ASH1L: variants seen among roughly 807,000 people sequenced by gnomAD.
ASH1L encodes ASH1 like histone lysine methyltransferase.
In ASH1L, 23 loss-of-function variants were observed where a neutral mutation model predicts 269.0. That is an observed-to-expected ratio of 0.09 (90% CI 0.06 to 0.12). The LOEUF (loss-of-function observed/expected upper bound fraction) is 0.12. Ranked by LOEUF, ASH1L falls within the 10% of genes least tolerant of loss-of-function variation. The pLI is 1.00. For synonymous variants in ASH1L, 1,187 were observed against 1,253.5 expected (o/e 0.95, Z 1.12); for missense variants, 2,912 against 3,567.8 (o/e 0.82, Z 4.68).
intron 10 of ASH1L, among the ~76,000 whole-genome samples, chr1:155,371,808 C>T (rs997262882): frequency 1.3e-5 from 2 of 151,522 alleles, no homozygotes; most frequent in African/African-American, 4.9e-5. Flanking sequence ...ATTCTCCTGC[C>T]TCAGCCTCCC....
chr1:155,411,586 A>ATATTATATAT (rs1558075618), intron 6 of ASH1L, among the ~76,000 whole-genome samples: 1 of 55,192 alleles, frequency 1.8e-5, no homozygotes, highest in East Asian at 1.4e-3. Context: ...TAAATAAATA[A>ATATTATATAT]ATATATATAT....
intron 12 of ASH1L, among the ~76,000 whole-genome samples, chr1:155,367,728 C>A (rs1451533767): frequency 2.0e-5 from 3 of 151,950 alleles, no homozygotes; most frequent in Admixed American, 6.6e-5. Context: ...TGTCTTTAGT[C>A]CATTATTGTG....
At chr1:155,562,866 AACCGCCGCCACGGCCGCCGCC>A (rs1571174801), upstream of ASH1L, 1 of 232,812 alleles carries the variant, frequency 4.3e-6, no homozygotes, top group Admixed American at 4.7e-5. Context: ...CACGGCCACC[AACCGCCGCCACGGCCGCCGCC>A]GCCGCCGCCA....
At chr1:155,410,787 G>GT (rs1338034434) in intron 6 of ASH1L, among the ~76,000 whole-genome samples, 3 of 150,552 alleles carry the variant, frequency 2.0e-5, no homozygotes, top group African/African-American at 7.4e-5. Flanking sequence ...TAAATTTTTA[G>GT]TAGAGACAAG....
At chr1:155,406,669 C>T (rs1372579553) in intron 6 of ASH1L, among the ~76,000 whole-genome samples, 1 of 152,078 alleles carries the variant, frequency 6.6e-6, no homozygotes, top group Non-Finnish European at 1.5e-5. Flanking sequence ...CCACTATACT[C>T]CAGGCTGGGC....
At chr1:155,433,544 G>A (rs778803106) in intron 5 of ASH1L, 28 of 1,610,024 alleles carry the variant, frequency 1.7e-5, no homozygotes, top group South Asian at 1.3e-4. Context: ...CCCTGGTGCC[G>A]TGAAACTGGA....
At chr1:155,540,075 A>G (rs1222982804) in intron 1 of ASH1L, among the ~76,000 whole-genome samples, 2 of 151,916 alleles carry the variant, frequency 1.3e-5, no homozygotes, top group African/African-American at 4.8e-5. Flanking sequence ...CTCAAAAAAA[A>G]AAAAAATTCT....
At chr1:155,432,228 A>G (rs1661665553) in intron 5 of ASH1L, among the ~76,000 whole-genome samples, 1 of 152,138 alleles carries the variant, frequency 6.6e-6, no homozygotes, top group African/African-American at 2.4e-5. Flanking sequence ...ACTTTTGTGT[A>G]TGCTCTCTCC....
chr1:155,425,277 GTT>G (rs550440576), intron 5 of ASH1L, among the ~76,000 whole-genome samples: 6,729 of 129,118 alleles, frequency 0.052, 508 homozygotes, highest in African/African-American at 0.18. Context: ...GCCCGGCCTA[GTT>G]TTTTTTTTTT....
chr1:155,410,423 C>A (rs777382634), intron 6 of ASH1L, among the ~76,000 whole-genome samples: 1 of 152,162 alleles, frequency 6.6e-6, no homozygotes, highest in Non-Finnish European at 1.5e-5. Context: ...TCTGCCTCAG[C>A]CTCCCAAGGA....
rs1317995133 is a variant in ASH1L at position 155,554,912 on chromosome 1, C to T, written c.-100+7241G>A. Among the ~76,000 whole-genome samples the T allele has an allele frequency of 4.6e-5, 7 of 151,910 alleles. No individual in the cohort carries two copies. The East Asian group carries it at 5.8e-4, about 13-fold the overall frequency. ...ATCGCAGCACTTTGGGAGGCTGAAG[C>T]GGGCAGATCACCTGAAGGTCAGAAG... On this transcript the variant is annotated intron_variant, in intron 1 of 27. Coordinates refer to ENST00000392403, the MANE Select transcript of ASH1L (RefSeq NM_018489.3).
At chr1:155,347,214 C>T (rs1365444741) in intron 20 of ASH1L, among the ~76,000 whole-genome samples, 1 of 152,084 alleles carries the variant, frequency 6.6e-6, no homozygotes. Flanking sequence ...GCCTGGGCAA[C>T]ATGGTGACAC....
At chr1:155,555,455 C>T (rs1423676812) in intron 1 of ASH1L, among the ~76,000 whole-genome samples, 2 of 148,754 alleles carry the variant, frequency 1.3e-5, no homozygotes, top group Non-Finnish European at 3.0e-5. Context: ...CGAGATTGCG[C>T]CACTGCACTC....
rs1240430685 is a variant in ASH1L at position 155,337,638 on chromosome 1, T to G, written c.*22A>C. Reference sequence around the variant, plus strand: ...TTAGCTCCACTGGATCCCAGATGCTTGAGGTTCTCATTCTTTGAGGGTCAC... The same window carrying G: ...TTAGCTCCACTGGATCCCAGATGCTGGAGGTTCTCATTCTTTGAGGGTCAC... On this transcript the variant is annotated 3_prime_UTR_variant, in exon 28 of 28. Coordinates refer to ENST00000392403, the MANE Select transcript of ASH1L (RefSeq NM_018489.3). 1.2e-6 allele frequency: 2 copies of G among 1,603,250 alleles called. No individual in the cohort carries two copies. Among genetic ancestry groups the G allele is most frequent in the East Asian group, 2.2e-5 (1 of 44,802 alleles).
In ASH1L at chr1:155,562,730, A is replaced by ACCTGTCAAGCCGGCAGGAAC. The variant is rs1558230461; in HGVS notation, c.-678_-677insGTTCCTGCCGGCTTGACAGG. On this transcript the variant is annotated 5_prime_UTR_variant, in exon 1 of 28. Transcript: ENST00000392403. ...GAACCCCCTCGTCCAGTCCCTCACT[A>ACCTGTCAAGCCGGCAGGAAC]CCCCTCAGGCCCTGTCAAGCCGGCG... is the stretch of plus-strand genomic sequence containing the variant. 1.5e-6 allele frequency: 2 copies of ACCTGTCAAGCCGGCAGGAAC among 1,339,908 alleles called. No individual in the cohort carries two copies. Among genetic ancestry groups the ACCTGTCAAGCCGGCAGGAAC allele is most frequent in the South Asian group, 2.5e-5 (2 of 80,112 alleles). 83.0% of individuals were successfully genotyped at this position (1,339,908 alleles called of 1,614,324 possible).
chr1:155,434,551 A>T (rs1237284751), intron 5 of ASH1L, among the ~76,000 whole-genome samples: 4 of 151,412 alleles, frequency 2.6e-5, no homozygotes, highest in Non-Finnish European at 5.9e-5. Flanking sequence ...AAGATCTAAC[A>T]GTATATAAGA....
At position 155,438,854 on chromosome 1, in the gene ASH1L, C is replaced by T. The variant is rs1662316904; in HGVS notation, c.5301G>A (p.Val1767=). The change falls in exon 5 of 28, where the codon GTG becomes GTA. Residue 1767 remains valine, a synonymous_variant. Transcript: ENST00000392403. ...RTLGKPDSLL[V]PAVTSDSCNN... ...TGCAAGAGTCACTTGTGACTGCAGGCACTAAAAGGCTGTCTGGTTTTCCCA... is the reference window on the plus strand; with the variant it reads ...TGCAAGAGTCACTTGTGACTGCAGGTACTAAAAGGCTGTCTGGTTTTCCCA... 1.2e-6 allele frequency: 2 copies of T among 1,614,158 alleles called. No homozygotes were observed. Among genetic ancestry groups the T allele is most frequent in the Non-Finnish European group, 1.7e-6 (2 of 1,180,046 alleles).
intron 20 of ASH1L, 42 bp downstream of exon 20, chr1:155,347,614 G>A (rs748332133): frequency 1.9e-6 from 3 of 1,608,386 alleles, no homozygotes; most frequent in Non-Finnish European, 1.7e-6. Context: ...TGGTCACCGT[G>A]TTCATCAGGA....
intron 6 of ASH1L, among the ~76,000 whole-genome samples, chr1:155,411,731 C>T (rs1659827034): frequency 1.3e-5 from 2 of 149,876 alleles, no homozygotes; most frequent in South Asian, 2.1e-4. Flanking sequence ...TGACCTTCTC[C>T]TGTCTTCCTT....
Sources: allele counts gnomAD v4.1 joint callset (sites outside exome capture counted in the v4.1 genomes callset), GRCh38; gene constraint gnomAD v4.1.1; transcripts MANE v1.5; gene names NCBI Gene and HGNC (gene_info 2026-07-23, HGNC 2026-07-21).